PDE1C: variants seen among roughly 807,000 people sequenced by gnomAD.
PDE1C encodes phosphodiesterase 1C.
A neutral mutation model predicts 93.1 loss-of-function variants in PDE1C; 62 were observed. The ratio of observed to expected loss-of-function variants is 0.67; its 90% CI spans 0.54 to 0.82. PDE1C has a LOEUF of 0.82. PDE1C is among the 40% of genes least tolerant of loss of function. The pLI is 0.00. For synonymous variants in PDE1C, 325 were observed against 310.1 expected (o/e 1.05, Z -0.50); for missense variants, 742 against 884.6 (o/e 0.84, Z 2.04).
At chr7:32,318,994 C>T (rs141769613) in intron 1 of PDE1C, among the ~76,000 whole-genome samples, 1 of 152,186 alleles carries the variant, frequency 6.6e-6, no homozygotes, top group Non-Finnish European at 1.5e-5. Context: ...TCAAAAGAAC[C>T]GGTGGTGATT....
chr7:32,068,269 T>C (rs1584686154), intron 1 of PDE1C, among the ~76,000 whole-genome samples: 1 of 151,288 alleles, frequency 6.6e-6, no homozygotes. Context: ...TAAGGGTTTC[T>C]ATTTTGTGGA....
At chr7:31,833,655 C>A (rs150339233) in intron 11 of PDE1C, among the ~76,000 whole-genome samples, 6 of 152,124 alleles carry the variant, frequency 3.9e-5, no homozygotes, top group African/African-American at 1.4e-4. Flanking sequence ...CCCTAGAGAT[C>A]TGTGGAACTT....
chr7:31,878,170 T>G, intron 4 of PDE1C, 134 bp from the exon 5 acceptor site: 1 of 589,798 alleles, frequency 1.7e-6, no homozygotes, highest in Non-Finnish European at 2.9e-6. Context: ...ATTCATTTTT[T>G]GACATTTTTA....
At chr7:32,157,275 A>C (rs939638574) in intron 3 of PDE1C, among the ~76,000 whole-genome samples, 2 of 152,234 alleles carry the variant, frequency 1.3e-5, no homozygotes, top group Non-Finnish European at 1.5e-5. Flanking sequence ...TCGATAGTAC[A>C]ATAGGGAAAT....
At position 32,308,006 on chromosome 7, in the gene PDE1C, T is replaced by G. The variant is rs552741517; in HGVS notation, c.311-98467A>C. ...AAAGAATGGGGTGACAGATGGCACCTGGAAAATCCGGTCACTCCCACCCTA... is the reference window on the plus strand; with the variant it reads ...AAAGAATGGGGTGACAGATGGCACCGGGAAAATCCGGTCACTCCCACCCTA... On this transcript the variant is annotated intron_variant, in intron 1 of 1. Coordinates refer to the PDE1C transcript ENST00000672256. Among the ~76,000 whole-genome samples the G allele has an allele frequency of 5.9e-5, 9 of 152,346 alleles. No homozygotes were observed. The East Asian group carries it at 1.7e-3, about 29-fold the overall frequency.
chr7:32,222,526 C>T (rs1403617997), intron 1 of PDE1C, among the ~76,000 whole-genome samples: 1 of 152,214 alleles, frequency 6.6e-6, no homozygotes, highest in Admixed American at 6.5e-5. Flanking sequence ...GCCTTTCTAC[C>T]AACCAGTTAA....
chr7:32,187,702 A>G (rs983894829), intron 2 of PDE1C, among the ~76,000 whole-genome samples: 1 of 152,230 alleles, frequency 6.6e-6, no homozygotes. Flanking sequence ...TAAATTGTCT[A>G]GCAGCTACAT....
At chr7:32,230,743 A>T (rs1807637368) in intron 1 of PDE1C, among the ~76,000 whole-genome samples, 1 of 152,104 alleles carries the variant, frequency 6.6e-6, no homozygotes, top group African/African-American at 2.4e-5. Context: ...GGAGCCATGG[A>T]GGTAGAAGAC....
chr7:32,095,739 G>C (rs1797716715), intron 3 of PDE1C, among the ~76,000 whole-genome samples: 1 of 152,190 alleles, frequency 6.6e-6, no homozygotes, highest in South Asian at 2.1e-4. Context: ...TCTGTTTCCT[G>C]AACTTGAGAA....
intron 3 of PDE1C, among the ~76,000 whole-genome samples, chr7:32,092,974 C>T (rs943063828): frequency 6.6e-6 from 1 of 152,196 alleles, no homozygotes; most frequent in Non-Finnish European, 1.5e-5. Context: ...ACAGCTTTCA[C>T]CACAGCTGTC....
chr7:31,851,159 G>A (rs887289866), intron 7 of PDE1C, among the ~76,000 whole-genome samples: 3 of 151,596 alleles, frequency 2.0e-5, no homozygotes, highest in Admixed American at 6.6e-5. Context: ...AAAACCTAAC[G>A]TCTGATTATA....
At chr7:31,703,418 A>G in the PDE1C span, among the ~76,000 whole-genome samples, 1 of 152,320 alleles carries the variant, frequency 6.6e-6, no homozygotes, top group East Asian at 1.9e-4. Context: ...TTTATCAAAC[A>G]ACACAGCGTA....
chr7:31,970,486 G>C (rs779712982), intron 2 of PDE1C, among the ~76,000 whole-genome samples: 3 of 152,170 alleles, frequency 2.0e-5, no homozygotes. Context: ...GCCAAAAAAC[G>C]CATGGGCAGC....
At chr7:31,848,366 T>C (rs529077481) in intron 8 of PDE1C, among the ~76,000 whole-genome samples, 42 of 152,316 alleles carry the variant, frequency 2.8e-4, no homozygotes, top group South Asian at 8.3e-4. Context: ...AGATCTCAAT[T>C]ACCTATATTA....
chr7:31,922,502 T>G (rs537259394), intron 2 of PDE1C, among the ~76,000 whole-genome samples: 1 of 152,354 alleles, frequency 6.6e-6, no homozygotes, highest in African/African-American at 2.4e-5. Flanking sequence ...TAAATGTTTA[T>G]TTTCTTTAAG....
chr7:31,670,884 G>T, the PDE1C span, among the ~76,000 whole-genome samples: 1 of 152,166 alleles, frequency 6.6e-6, no homozygotes, highest in Non-Finnish European at 1.5e-5. Context: ...GCAGCTGGAG[G>T]TCGGAGACTA....
chr7:32,217,216 T>A (rs1806501221), intron 1 of PDE1C, among the ~76,000 whole-genome samples: 1 of 152,238 alleles, frequency 6.6e-6, no homozygotes, highest in Non-Finnish European at 1.5e-5. Context: ...CATCTCAGTA[T>A]GAACCAGTAC....
At chr7:32,081,111 A>C (rs1796638875) in intron 3 of PDE1C, among the ~76,000 whole-genome samples, 2 of 152,198 alleles carry the variant, frequency 1.3e-5, no homozygotes, top group Admixed American at 1.3e-4. Flanking sequence ...AAACAGGTGG[A>C]CTCTCACACG....
At chr7:32,159,143 G>A (rs1211209349) in intron 3 of PDE1C, among the ~76,000 whole-genome samples, 6 of 152,176 alleles carry the variant, frequency 3.9e-5, no homozygotes, top group African/African-American at 1.4e-4. Flanking sequence ...AATGGGGCCT[G>A]CAGTGGTCTG....
Sources: allele counts gnomAD v4.1 joint callset (sites outside exome capture counted in the v4.1 genomes callset), GRCh38; gene constraint gnomAD v4.1.1; transcripts MANE v1.5; gene names NCBI Gene and HGNC (gene_info 2026-07-23, HGNC 2026-07-21).